The following DTNB variants were observed in gnomAD, a reference collection of about 807,000 sequenced individuals.
DTNB encodes the protein DTN-B.
Under a neutral mutation model 90.7 loss-of-function variants are expected in DTNB, and 63 were observed. The ratio of observed to expected loss-of-function variants is 0.69; its 90% CI spans 0.57 to 0.86. The LOEUF (loss-of-function observed/expected upper bound fraction) is 0.86, where lower values mean the gene tolerates loss of function less well. DTNB is among the 40% of genes least tolerant of loss of function. The probability of loss-of-function intolerance (pLI) is 0.00; values close to 1 mark genes in which losing one functional copy is unlikely to be tolerated. For missense variants in DTNB, 744 were observed against 807.1 expected (o/e 0.92, Z 0.95); for synonymous variants, 277 against 286.7 (o/e 0.97, Z 0.34).
At chr2:25,385,181 C>T (rs1253824233) in intron 18 of DTNB, among the ~76,000 whole-genome samples, 4 of 151,984 alleles carry the variant, frequency 2.6e-5, no homozygotes, top group East Asian at 1.9e-4. Flanking sequence ...CCTGTGGCCT[C>T]GATCCTTTCC....
At chr2:25,589,367 CTTTTTTTTTTTTTTT>C (rs1169808182) in intron 6 of DTNB, among the ~76,000 whole-genome samples, 31 of 57,560 alleles carry the variant, frequency 5.4e-4, no homozygotes, top group Non-Finnish European at 6.2e-4. Flanking sequence ...TTTTTCTTTT[CTTTTTTTTTTTTTTT>C]TTTTTTTTTT....
chr2:25,420,520 ATCTG>A (rs386354870), intron 15 of DTNB, among the ~76,000 whole-genome samples: 123 of 89,266 alleles, frequency 1.4e-3, no homozygotes, highest in Non-Finnish European at 2.3e-3. Flanking sequence ...CTATCTATCT[ATCTG>A]TCTGTCTATC....
chr2:25,498,277 T>C (rs1179400451), intron 9 of DTNB, among the ~76,000 whole-genome samples: 1 of 152,068 alleles, frequency 6.6e-6, no homozygotes, highest in Non-Finnish European at 1.5e-5. Context: ...CTTAGATAAA[T>C]GAAGAAGTGA....
At chr2:25,577,818 T>C (rs1396464930) in intron 7 of DTNB, among the ~76,000 whole-genome samples, 1 of 152,032 alleles carries the variant, frequency 6.6e-6, no homozygotes, top group East Asian at 1.9e-4. Flanking sequence ...CTGACCAACA[T>C]GGAGAAACCC....
At chr2:25,574,402 A>G (rs933511819) in intron 8 of DTNB, among the ~76,000 whole-genome samples, 2 of 152,230 alleles carry the variant, frequency 1.3e-5, no homozygotes, top group African/African-American at 4.8e-5. Context: ...AAATGGACCA[A>G]AGACTAAAAG....
chr2:25,560,066 C>T (rs762760383), intron 8 of DTNB, among the ~76,000 whole-genome samples: 2 of 152,190 alleles, frequency 1.3e-5, no homozygotes, highest in Non-Finnish European at 2.9e-5. Flanking sequence ...CTGGCCAACA[C>T]GGCGAAACCC....
chr2:25,524,638 G>T (rs577482415), intron 9 of DTNB, among the ~76,000 whole-genome samples: 1 of 152,152 alleles, frequency 6.6e-6, no homozygotes, highest in African/African-American at 2.4e-5. Context: ...TGAGGCAGGT[G>T]GTATGTGTCA....
intron 8 of DTNB, among the ~76,000 whole-genome samples, chr2:25,558,752 C>T (rs73922421): frequency 0.019 from 2,867 of 152,258 alleles, 92 homozygotes; most frequent in African/African-American, 0.063. Flanking sequence ...AATTGGGCAA[C>T]GTTCAGATGA....
intron 9 of DTNB, among the ~76,000 whole-genome samples, chr2:25,493,181 G>A (rs1329720771): frequency 6.6e-6 from 1 of 152,104 alleles, no homozygotes; most frequent in Non-Finnish European, 1.5e-5. Context: ...GGTGTGAAAG[G>A]GGGAAAGAAT....
chr2:25,570,405 TCAAAAAA>T (rs1455525867), intron 8 of DTNB, among the ~76,000 whole-genome samples: 39 of 31,692 alleles, frequency 1.2e-3, no homozygotes, highest in African/African-American at 7.8e-3. Context: ...GTTTCCTGTC[TCAAAAAA>T]AAAAAAAAAA....
At chr2:25,603,190 AAAAC>A (rs1270711986) in intron 5 of DTNB, among the ~76,000 whole-genome samples, 4 of 152,228 alleles carry the variant, frequency 2.6e-5, no homozygotes, top group Non-Finnish European at 4.4e-5. Context: ...AATTTCTTCG[AAAAC>A]AAATAGCAGA....
intron 18 of DTNB, among the ~76,000 whole-genome samples, chr2:25,385,752 T>C (rs938937028): frequency 6.6e-6 from 1 of 152,220 alleles, no homozygotes; most frequent in Non-Finnish European, 1.5e-5. Context: ...AACCATCCTT[T>C]CTTACTATGA....
chr2:25,429,916 A>G (rs1441593716), intron 14 of DTNB, among the ~76,000 whole-genome samples: 2 of 152,150 alleles, frequency 1.3e-5, no homozygotes, highest in Non-Finnish European at 2.9e-5. Context: ...CTTTTCTGAA[A>G]TGTGCCATAA....
chr2:25,579,695 A>C (rs2061259049), intron 7 of DTNB, among the ~76,000 whole-genome samples: 1 of 152,148 alleles, frequency 6.6e-6, no homozygotes, highest in African/African-American at 2.4e-5. Context: ...TCAAGGCAAA[A>C]TGGTGAAGGA....
At chr2:25,382,097 G>A (rs1188967327) in intron 19 of DTNB, among the ~76,000 whole-genome samples, 1 of 152,208 alleles carries the variant, frequency 6.6e-6, no homozygotes, top group Non-Finnish European at 1.5e-5. Context: ...TTATCAGCTG[G>A]CAGGTTCTTT....
At chr2:25,543,235 TA>T (rs1303449894) in intron 8 of DTNB, among the ~76,000 whole-genome samples, 1 of 152,150 alleles carries the variant, frequency 6.6e-6, no homozygotes, top group Non-Finnish European at 1.5e-5. Flanking sequence ...ATTCTTAACT[TA>T]CAAGTTCTCT....
At chr2:25,660,740 A>G (rs1381588166) in intron 1 of DTNB, among the ~76,000 whole-genome samples, 2 of 152,080 alleles carry the variant, frequency 1.3e-5, no homozygotes, top group African/African-American at 4.8e-5. Context: ...CTACTCTCCT[A>G]CTGATGGAAA....
chr2:25,639,602 CAAA>C (rs766963314), intron 2 of DTNB, among the ~76,000 whole-genome samples: 2 of 106,746 alleles, frequency 1.9e-5, no homozygotes, highest in African/African-American at 3.5e-5. Context: ...CTGTATTTTC[CAAA>C]AAAAAAAAAA....
intron 4 of DTNB, among the ~76,000 whole-genome samples, chr2:25,614,016 A>G (rs2069459628): frequency 6.6e-6 from 1 of 152,182 alleles, no homozygotes; most frequent in Admixed American, 6.6e-5. Flanking sequence ...TCCCAAGAAT[A>G]TAAGGCTATT....
Sources: gnomAD v4.1 joint callset for allele counts (sites outside exome capture counted in the v4.1 genomes callset) on GRCh38, gnomAD v4.1.1 for gene constraint, MANE v1.5 for transcripts, NCBI Gene and HGNC (gene_info 2026-07-23, HGNC 2026-07-21) for gene names.